Variants in ZNF420 observed in about 807,000 individuals in gnomAD.
ZNF420 encodes zinc finger protein 420.
In ZNF420, 31 loss-of-function variants were observed where a neutral mutation model predicts 44.7. The ratio of observed to expected loss-of-function variants is 0.69; its 90% confidence interval spans 0.52 to 0.94. The LOEUF is 0.94. Ranked by LOEUF, ZNF420 falls within the 40% of genes least tolerant of loss-of-function variation. The probability of loss-of-function intolerance (pLI) is 0.00; values close to 1 mark genes in which losing one functional copy is unlikely to be tolerated. For synonymous variants in ZNF420, 245 were observed against 267.4 expected (o/e 0.92, Z 0.82); for missense variants, 681 against 827.9 (o/e 0.82, Z 2.18).
At chr19:37,011,209 C>G (rs948388959) in intron 1 of ZNF420, among the ~76,000 whole-genome samples, 1 of 152,134 alleles carries the variant, frequency 6.6e-6, no homozygotes, top group African/African-American at 2.4e-5. Context: ...AGTGGTGATC[C>G]GTGTCATGAT....
At chr19:37,125,547 G>A (rs913143167) in intron 4 of ZNF420, among the ~76,000 whole-genome samples, 6 of 152,270 alleles carry the variant, frequency 3.9e-5, no homozygotes, top group South Asian at 2.1e-4. Flanking sequence ...AGGGTATTTA[G>A]GAGTGACAGA....
At chr19:37,090,875 G>C in intron 3 of ZNF420, 120 bp from the exon 4 acceptor site, 2 of 1,007,062 alleles carry the variant, frequency 2.0e-6, no homozygotes, top group South Asian at 3.3e-5. Flanking sequence ...TGCCGAGATC[G>C]CGCCACTGCA....
intron 1 of ZNF420, among the ~76,000 whole-genome samples, chr19:37,048,632 G>A (rs1312948861): frequency 6.6e-6 from 1 of 152,140 alleles, no homozygotes; most frequent in Non-Finnish European, 1.5e-5. Context: ...CATCACAAAT[G>A]ACTTAAGGAA....
intron 4 of ZNF420, among the ~76,000 whole-genome samples, chr19:37,098,206 C>T (rs1395470216): frequency 6.6e-6 from 1 of 152,142 alleles, no homozygotes; most frequent in African/African-American, 2.4e-5. Context: ...CCTGCCTTGG[C>T]CTCTCAAAGT....
At chr19:37,123,434 C>T (rs1321988614) in intron 4 of ZNF420, among the ~76,000 whole-genome samples, 2 of 151,928 alleles carry the variant, frequency 1.3e-5, no homozygotes, top group Non-Finnish European at 2.9e-5. Context: ...TGGGTGAAGG[C>T]CTTGTCTCTT....
chr19:37,036,829 T>C (rs1173199913), intron 1 of ZNF420, among the ~76,000 whole-genome samples: 1 of 152,254 alleles, frequency 6.6e-6, no homozygotes, highest in East Asian at 1.9e-4. Flanking sequence ...GAAATAATTA[T>C]GAGTTACAAA....
intron 1 of ZNF420, among the ~76,000 whole-genome samples, chr19:37,057,428 T>G (rs1967778140): frequency 9.2e-6 from 1 of 108,918 alleles, no homozygotes; most frequent in Non-Finnish European, 2.0e-5. Context: ...GTGCCACTGC[T>G]GTATGTCTGT....
chr19:37,112,347 G>A (rs1198338641), intron 4 of ZNF420, among the ~76,000 whole-genome samples: 6 of 151,908 alleles, frequency 3.9e-5, no homozygotes, highest in South Asian at 4.2e-4. Flanking sequence ...AATAAATCTC[G>A]ACCCCACAGA....
chr19:37,015,968 A>G (rs1016000938), intron 1 of ZNF420, among the ~76,000 whole-genome samples: 6 of 152,034 alleles, frequency 3.9e-5, no homozygotes, highest in African/African-American at 1.4e-4. Context: ...TACATTCTCT[A>G]CAACAAACTT....
At chr19:37,109,127 G>T in intron 4 of ZNF420, among the ~76,000 whole-genome samples, 1 of 150,246 alleles carries the variant, frequency 6.7e-6, no homozygotes, top group South Asian at 2.1e-4. Context: ...ATTTTGGATT[G>T]TAGGCATTAA....
intron 4 of ZNF420, among the ~76,000 whole-genome samples, chr19:37,094,363 T>G (rs189893683): frequency 6.6e-6 from 1 of 152,330 alleles, no homozygotes; most frequent in East Asian, 1.9e-4. Flanking sequence ...TTTTCCCCCT[T>G]GTTTTGTTTG....
intron 1 of ZNF420, among the ~76,000 whole-genome samples, chr19:37,037,419 C>A (rs1400871642): frequency 6.6e-6 from 1 of 152,224 alleles, no homozygotes; most frequent in Non-Finnish European, 1.5e-5. Context: ...TCTCAGCCAC[C>A]ATGGGGAGTT....
At chr19:37,112,652 T>C (rs1970443320) in intron 4 of ZNF420, among the ~76,000 whole-genome samples, 1 of 152,218 alleles carries the variant, frequency 6.6e-6, no homozygotes, top group African/African-American at 2.4e-5. Flanking sequence ...GGATCAGTGC[T>C]TCCAAACCCT....
chr19:37,038,246 A>T (rs1341933916), intron 1 of ZNF420, among the ~76,000 whole-genome samples: 1 of 152,242 alleles, frequency 6.6e-6, no homozygotes, highest in Non-Finnish European at 1.5e-5. Context: ...AAAAAATGCT[A>T]ACCATCATCT....
intron 1 of ZNF420, among the ~76,000 whole-genome samples, chr19:37,010,266 A>G (rs566877062): frequency 6.6e-6 from 1 of 152,316 alleles, no homozygotes; most frequent in African/African-American, 2.4e-5. Context: ...AGGGCGGACC[A>G]GCATGAGGAA....
At chr19:37,020,816 A>C (rs1026998681) in intron 1 of ZNF420, among the ~76,000 whole-genome samples, 5 of 152,206 alleles carry the variant, frequency 3.3e-5, no homozygotes, top group African/African-American at 1.2e-4. Flanking sequence ...TATTCCACTT[A>C]TATGAGGTAC....
At chr19:37,044,363 C>T (rs1440528742) in intron 1 of ZNF420, among the ~76,000 whole-genome samples, 1 of 151,838 alleles carries the variant, frequency 6.6e-6, no homozygotes, top group African/African-American at 2.4e-5. Context: ...TAAAAACAAA[C>T]AAAACCGAGG....
At chr19:37,089,225 T>G in intron 3 of ZNF420, 98 bp downstream of exon 3, 1 of 1,057,258 alleles carries the variant, frequency 9.5e-7, no homozygotes, top group South Asian at 1.3e-5. Flanking sequence ...CTAACTGACC[T>G]CACTCAGGAA....
At chr19:37,072,485 G>A (rs553046718) in intron 1 of ZNF420, among the ~76,000 whole-genome samples, 1 of 152,336 alleles carries the variant, frequency 6.6e-6, no homozygotes, top group East Asian at 1.9e-4. Flanking sequence ...GGGAGAAGAT[G>A]TCCTTCCCTA....
Sources: allele counts gnomAD v4.1 joint callset (sites outside exome capture counted in the v4.1 genomes callset), GRCh38; gene constraint gnomAD v4.1.1; transcripts MANE v1.5; gene names NCBI Gene and HGNC (gene_info 2026-07-23, HGNC 2026-07-21).